The following GAPVD1 variants were observed in gnomAD, a reference collection of about 807,000 sequenced individuals.
GAPVD1 encodes the protein GTPase activating protein and VPS9 domains 1, also known as GTPase-activating protein and VPS9 domain-containing protein 1.
A neutral mutation model predicts 155.5 loss-of-function variants in GAPVD1; 35 were observed. The observed-to-expected ratio is 0.23, with a 90% CI of 0.17 to 0.30. GAPVD1 has a LOEUF of 0.30. Among genes scored for constraint, GAPVD1 ranks in the 10% least tolerant of loss-of-function variants. GAPVD1 has a pLI of 1.00. For synonymous variants in GAPVD1, 636 were observed against 619.7 expected, an observed-to-expected ratio of 1.03 and a Z score of -0.39; for missense variants, 1,429 against 1,775.7, an observed-to-expected ratio of 0.80 and a Z score of 3.51.
At position 125,302,501 on chromosome 9, in the gene GAPVD1, T is replaced by C. The variant is rs1171669265; in HGVS notation, c.704T>C (p.Phe235Ser). 3.1e-6 allele frequency: 5 copies of C among 1,613,726 alleles called. No individual in the cohort carries two copies. The highest frequency in any genetic ancestry group is 4.2e-6 in the Non-Finnish European group (5 of 1,180,006). ...RFSPSQQEKLFGEKGSDRFRQ... is the reference protein window; with the variant it reads ...RFSPSQQEKLSGEKGSDRFRQ... Reference sequence around the variant, plus strand: ...TCTCCATCTCAGCAGGAAAAACTCTTTGGAGAGAAGGGCTCAGATAGATTC... The same window carrying C: ...TCTCCATCTCAGCAGGAAAAACTCTCTGGAGAGAAGGGCTCAGATAGATTC... Residue 235 changes from phenylalanine (F) to serine (S), a missense_variant, in exon 5 of 28, where the codon TTT (phenylalanine) becomes TCT (serine). Physicochemically the swap from Phe to Ser is radical, Grantham distance 155. Coordinates refer to ENST00000297933, the MANE Select transcript of GAPVD1 (RefSeq NM_001282680.3).
chr9:125,303,536 G>A (rs990402495), intron 5 of GAPVD1, among the ~76,000 whole-genome samples: 4 of 151,794 alleles, frequency 2.6e-5, no homozygotes, highest in African/African-American at 9.7e-5. Context: ...CAGCACTTTG[G>A]GAGGCCGAGG....
intron 8 of GAPVD1, among the ~76,000 whole-genome samples, chr9:125,311,520 C>T (rs1272934302): frequency 6.6e-6 from 1 of 152,058 alleles, no homozygotes; most frequent in Non-Finnish European, 1.5e-5. Context: ...ACTTGGGAGG[C>T]TGAGGCAGGA....
chr9:125,341,369 C>T (rs1847829548), intron 18 of GAPVD1, 105 bp downstream of exon 18: 1 of 625,420 alleles, frequency 1.6e-6, no homozygotes, highest in Admixed American at 3.1e-5. Context: ...ACTTGCTGGG[C>T]TTAAGTTTCT....
At chr9:125,334,080 C>T (rs1037503435) in intron 15 of GAPVD1, among the ~76,000 whole-genome samples, 3 of 152,108 alleles carry the variant, frequency 2.0e-5, no homozygotes, top group Non-Finnish European at 2.9e-5. Context: ...TCTCCATGGA[C>T]CACTGAGGTC....
At chr9:125,264,083 T>A in intron 1 of GAPVD1, 1 of 822,814 alleles carries the variant, frequency 1.2e-6, no homozygotes, top group Non-Finnish European at 2.1e-6. Flanking sequence ...AATGGCAATC[T>A]GGTTCTTTAG....
intron 5 of GAPVD1, among the ~76,000 whole-genome samples, 195 bp from the exon 6 acceptor site, chr9:125,304,868 T>TA (rs1285069644): frequency 3.3e-5 from 5 of 152,248 alleles, no homozygotes; most frequent in Admixed American, 6.5e-5. Context: ...CTCTAACTCT[T>TA]AATCTAAAAA....
chr9:125,302,166 G>T lies in GAPVD1; in HGVS notation c.369G>T (p.Glu123Asp). ...SLVAGEKLNQENTQSVIYTVF... is the reference protein window; with the variant it reads ...SLVAGEKLNQDNTQSVIYTVF... ...TTGCTGGAGAGAAACTTAATCAGGA[G>T]AACACACAAAGTGTTATTTACACAG... Residue 123 changes from glutamate (E) to aspartate (D), a missense_variant, in exon 5 of 28, where the codon GAG becomes GAT. By Grantham distance (45) the Glu-to-Asp change is conservative. This residue lies in a region of GAPVD1 where 628 missense variants were observed against 733.4 expected (regional missense o/e 0.86). Transcript: ENST00000297933. 1 of 1,613,892 alleles carries T rather than the reference G, an allele frequency of 6.2e-7. No homozygotes were observed. Among genetic ancestry groups the T allele is most frequent in the Non-Finnish European group, 8.5e-7 (1 of 1,179,912 alleles).
At chr9:125,311,778 G>C (rs2131230771) in intron 8 of GAPVD1, among the ~76,000 whole-genome samples, 1 of 151,114 alleles carries the variant, frequency 6.6e-6, no homozygotes, top group East Asian at 2.0e-4. Context: ...GGAGTGCAGT[G>C]GTGCAAACTT....
intron 2 of GAPVD1, among the ~76,000 whole-genome samples, chr9:125,294,199 C>T (rs1839452983): frequency 6.6e-6 from 1 of 151,832 alleles, no homozygotes. Context: ...AGCCACTGTG[C>T]CTGGCCAATT....
intron 9 of GAPVD1, among the ~76,000 whole-genome samples, chr9:125,319,971 A>T (rs1291774634): frequency 6.6e-6 from 1 of 152,220 alleles, no homozygotes; most frequent in African/African-American, 2.4e-5. Flanking sequence ...ACTCAGAGCC[A>T]AAACAGCAAC....
intron 23 of GAPVD1, 49 bp downstream of exon 23, chr9:125,350,921 G>C: frequency 7.0e-7 from 1 of 1,419,798 alleles, no homozygotes; most frequent in Non-Finnish European, 9.7e-7. Flanking sequence ...TTAGCTGCAA[G>C]TGTTTTCTTT....
rs1266704353 is a variant in GAPVD1, at chr9:125,305,124, A to C, written c.1091A>C (p.Lys364Thr). 1.2e-6 allele frequency: 2 copies of C among 1,613,748 alleles called. No homozygotes were observed. The highest frequency in any genetic ancestry group is 2.2e-5 in the South Asian group (2 of 91,088). Residue 364 changes from lysine (K) to threonine (T), a missense_variant, in exon 6 of 28, where the codon AAG becomes ACG. Around this residue, in one of 4 missense-constraint regions of GAPVD1, gnomAD observed 628 missense variants for 733.4 expected, o/e 0.86. Transcript: ENST00000297933. ...TCTGAAGAGGGAGATCCCCGAACAA[A>C]GAGCAGCCTTGGAAAGTTTGACAAA... ...TGSEEGDPRT[K>T]SSLGKFDKSC... is the part of the protein sequence containing the mutation.
At position 125,331,995 on chromosome 9, in the gene GAPVD1, C is replaced by G; in HGVS notation, c.2243C>G (p.Ser748Cys). ...AGCTGTTCTGGACTGGGTAGCACAT[C>G]TGATGATACGGATGTCAGGGAGGTC... Reference protein sequence around the residue: ...LESCSGLGSTSDDTDVREVSS... With the variant: ...LESCSGLGSTCDDTDVREVSS... The change falls in exon 14 of 28, where the codon TCT becomes TGT. Residue 748 changes from serine (S) to cysteine (C), a missense_variant. Ser to Cys is a moderately radical substitution (Grantham distance 112). Coordinates refer to ENST00000297933, the MANE Select transcript of GAPVD1 (RefSeq NM_001282680.3). The G allele has an allele frequency of 6.2e-7, 1 of 1,613,906 alleles. No individual in the cohort carries two copies. Among genetic ancestry groups the G allele is most frequent in the East Asian group, 2.2e-5 (1 of 44,882 alleles).
At chr9:125,348,238 G>A (rs1215249052) in intron 20 of GAPVD1, among the ~76,000 whole-genome samples, 1 of 152,052 alleles carries the variant, frequency 6.6e-6, no homozygotes, top group Non-Finnish European at 1.5e-5. Context: ...GTATATTTTT[G>A]TAGAGATGGG....
chr9:125,268,583 T>A (rs1255005258), intron 1 of GAPVD1, among the ~76,000 whole-genome samples: 1 of 142,030 alleles, frequency 7.0e-6, no homozygotes, highest in South Asian at 2.5e-4. Flanking sequence ...CACTGCAGCC[T>A]CCACCTCCCT....
chr9:125,350,572 T>G (rs1849152082), intron 22 of GAPVD1, 141 bp from the exon 23 acceptor site: 2 of 679,412 alleles, frequency 2.9e-6, no homozygotes, highest in Admixed American at 5.6e-5. Context: ...TTTATTAAAG[T>G]ATTTTCTAAT....
At chr9:125,317,440 A>G (rs1159737597) in intron 9 of GAPVD1, among the ~76,000 whole-genome samples, 1 of 152,104 alleles carries the variant, frequency 6.6e-6, no homozygotes, top group African/African-American at 2.4e-5. Flanking sequence ...AGCCTGAGCA[A>G]CATGGAGAAA....
At chr9:125,293,038 A>G (rs887709527) in intron 2 of GAPVD1, among the ~76,000 whole-genome samples, 1 of 152,080 alleles carries the variant, frequency 6.6e-6, no homozygotes, top group African/African-American at 2.4e-5. Flanking sequence ...ATGTTAGGAA[A>G]TTTTTCCAGT....
At chr9:125,301,251 G>A (rs1267971241) in intron 4 of GAPVD1, among the ~76,000 whole-genome samples, 1 of 151,896 alleles carries the variant, frequency 6.6e-6, no homozygotes, top group Non-Finnish European at 1.5e-5. Flanking sequence ...ATATTTTTTT[G>A]TAGAGATGGG....
Sources: gnomAD v4.1 joint callset for allele counts (sites outside exome capture counted in the v4.1 genomes callset) on GRCh38, gnomAD v4.1.1 for gene constraint, gnomAD v4.1.1 regional missense constraint, MANE v1.5 for transcripts, NCBI Gene and HGNC (gene_info 2026-07-23, HGNC 2026-07-21) for gene names.